The following CIMAP3 variants were observed in gnomAD, a reference collection of about 807,000 sequenced individuals.
CIMAP3 encodes the protein ciliary microtubule-associated protein 3.
At chr1:111,339,794 A>C in the CIMAP3 span, among the ~76,000 whole-genome samples, 1 of 151,908 alleles carries the variant, frequency 6.6e-6, no homozygotes, top group African/African-American at 2.4e-5. Flanking sequence ...GGTAATTTAT[A>C]GATTCAATGC....
chr1:111,325,997 AAG>A, the CIMAP3 span, among the ~76,000 whole-genome samples: 1,205 of 152,292 alleles, frequency 7.9e-3, 16 homozygotes, highest in African/African-American at 0.027. Flanking sequence ...TGAAAAGAGG[AAG>A]AGAGTGTAAA....
chr1:111,344,357 TC>T, the CIMAP3 span, among the ~76,000 whole-genome samples: 1 of 152,190 alleles, frequency 6.6e-6, no homozygotes, highest in African/African-American at 2.4e-5. Flanking sequence ...AGTTTCCCCT[TC>T]TCCATGGCCA....
chr1:111,350,318 C>T, the CIMAP3 span: 2 of 1,030,326 alleles, frequency 1.9e-6, no homozygotes, highest in African/African-American at 3.2e-5. Flanking sequence ...GAATGAACTT[C>T]AGGAAGTCCT....
the CIMAP3 span, among the ~76,000 whole-genome samples, chr1:111,326,745 C>T: frequency 6.6e-6 from 1 of 152,078 alleles, no homozygotes; most frequent in Admixed American, 6.6e-5. Context: ...ACATCTTCAC[C>T]ACCATCTGTT....
the CIMAP3 span, among the ~76,000 whole-genome samples, chr1:111,332,108 C>T: frequency 1.3e-5 from 2 of 152,166 alleles, no homozygotes; most frequent in South Asian, 2.1e-4. Flanking sequence ...GGTTGGCCAA[C>T]TTGGAGTCTG....
chr1:111,335,691 G>T, the CIMAP3 span, among the ~76,000 whole-genome samples: 1 of 152,384 alleles, frequency 6.6e-6, no homozygotes, highest in Non-Finnish European at 1.5e-5. Context: ...AAACAAAGCA[G>T]TCCGGAAGCT....
At chr1:111,326,131 A>T in the CIMAP3 span, among the ~76,000 whole-genome samples, 5 of 152,086 alleles carry the variant, frequency 3.3e-5, no homozygotes, top group Non-Finnish European at 7.4e-5. Context: ...TACTTTGAGT[A>T]TTTGTCACTT....
At chr1:111,351,390 C>A in the CIMAP3 span, 1 of 1,345,692 alleles carries the variant, frequency 7.4e-7, no homozygotes, top group Non-Finnish European at 1.0e-6. Context: ...GAGGACAGAG[C>A]TGCTCTTCTT....
the CIMAP3 span, among the ~76,000 whole-genome samples, chr1:111,335,575 G>A: frequency 2.0e-5 from 3 of 152,350 alleles, no homozygotes; most frequent in Non-Finnish European, 2.9e-5. Context: ...AGGGTCCTAC[G>A]CCCACGGAAT....
the CIMAP3 span, among the ~76,000 whole-genome samples, chr1:111,342,446 CCCCTTGTTGAGATAT>C: frequency 2.6e-5 from 4 of 152,174 alleles, no homozygotes; most frequent in Non-Finnish European, 5.9e-5. Context: ...AAAAGTGGAA[CCCCTTGTTGAGATAT>C]CCCTTGTTGA....
chr1:111,346,847 C>T, the CIMAP3 span: 19 of 1,593,456 alleles, frequency 1.2e-5, no homozygotes, highest in African/African-American at 1.2e-4. Flanking sequence ...CTTCCCCTCC[C>T]GGAACGCGCT....
the CIMAP3 span, among the ~76,000 whole-genome samples, chr1:111,330,401 G>A: frequency 2.0e-5 from 3 of 152,302 alleles, no homozygotes; most frequent in South Asian, 4.1e-4. Context: ...TTTGTGTGGG[G>A]CCTTTATTTG....
chr1:111,350,225 T>C, the CIMAP3 span: 1 of 1,597,862 alleles, frequency 6.3e-7, no homozygotes, highest in Non-Finnish European at 8.6e-7. Context: ...AAAGCTGAGG[T>C]AATAAGATTG....
At chr1:111,339,355 G>A in the CIMAP3 span, among the ~76,000 whole-genome samples, 2 of 148,610 alleles carry the variant, frequency 1.3e-5, no homozygotes, top group Non-Finnish European at 3.0e-5. Context: ...TTCTGGCCAG[G>A]GCAATTAGGC....
chr1:111,339,946 C>T, the CIMAP3 span, among the ~76,000 whole-genome samples: 2 of 151,724 alleles, frequency 1.3e-5, no homozygotes, highest in Non-Finnish European at 2.9e-5. Flanking sequence ...CAGTACCTGA[C>T]TTCAAACTAT....
the CIMAP3 span, chr1:111,351,207 G>A: frequency 9.1e-7 from 1 of 1,099,226 alleles, no homozygotes; most frequent in Non-Finnish European, 1.4e-6. Flanking sequence ...GAAGACCAGA[G>A]GCAGAGGGTT....
the CIMAP3 span, among the ~76,000 whole-genome samples, chr1:111,340,722 G>A: frequency 1.3e-5 from 2 of 152,144 alleles, no homozygotes; most frequent in South Asian, 4.1e-4. Flanking sequence ...TGCTAGAGAG[G>A]ATGTGGAGAA....
chr1:111,329,553 ATATATAAT>A, the CIMAP3 span, among the ~76,000 whole-genome samples: 1 of 65,824 alleles, frequency 1.5e-5, no homozygotes, highest in African/African-American at 6.2e-5. Flanking sequence ...ATATATATAT[ATATATAAT>A]TTTTTTTTTT....
At chr1:111,340,529 A>G in the CIMAP3 span, among the ~76,000 whole-genome samples, 1 of 152,044 alleles carries the variant, frequency 6.6e-6, no homozygotes, top group Non-Finnish European at 1.5e-5. Flanking sequence ...AAACAACCCC[A>G]TCAAAAAGTG....
Sources: gnomAD v4.1 joint callset for allele counts (sites outside exome capture counted in the v4.1 genomes callset) on GRCh38, gnomAD v4.1.1 for gene constraint, MANE v1.5 for transcripts, NCBI Gene and HGNC (gene_info 2026-07-23, HGNC 2026-07-21) for gene names.